The following PPP1R1B variants were observed in gnomAD, a reference collection of about 807,000 sequenced individuals.
PPP1R1B encodes protein phosphatase 1 regulatory subunit 1B.
A neutral mutation model predicts 28.2 loss-of-function variants in PPP1R1B; 13 were observed. The ratio of observed to expected loss-of-function variants is 0.46; its 90% confidence interval spans 0.30 to 0.73. The LOEUF (loss-of-function observed/expected upper bound fraction) is 0.73, where lower values mean the gene tolerates loss of function less well. Ranked by LOEUF, PPP1R1B falls within the 30% of genes least tolerant of loss-of-function variation. The pLI is 0.07. For synonymous variants in PPP1R1B, 102 were observed against 97.5 expected, an observed-to-expected ratio of 1.05 and a Z score of -0.27; for missense variants, 236 against 256.7, an observed-to-expected ratio of 0.92 and a Z score of 0.55.
intron 4 of PPP1R1B, chr17:39,633,594 T>C: frequency 2.9e-6 from 1 of 345,246 alleles, no homozygotes; most frequent in Non-Finnish European, 5.5e-6. Flanking sequence ...TGTGCCCGCC[T>C]GGTCTTGCCC....
At chr17:39,635,178 AGAGT>A (rs1365609416) in intron 5 of PPP1R1B, among the ~76,000 whole-genome samples, 1 of 152,200 alleles carries the variant, frequency 6.6e-6, no homozygotes, top group Non-Finnish European at 1.5e-5. Flanking sequence ...CCTGGGCAAC[AGAGT>A]GAGACTCCAT....
Position 39,635,611 on chromosome 17 carries a change from G to A in PPP1R1B, c.450G>A (p.Gly150=). The A allele has an allele frequency of 6.2e-7, 1 of 1,613,544 alleles. No homozygotes were observed. Among genetic ancestry groups the A allele is most frequent in the African/African-American group, 1.3e-5 (1 of 75,022 alleles). ...TCTCTTCTTTCCCATCCCCAGCTGG[G>A]CAAAAGACAACCTGTGGCCAGGGTC... ...EVLKVIRQSA[G]QKTTCGQGLE... Residue 150 remains glycine (G), a synonymous_variant, in exon 6 of 7, where the codon GGG becomes GGA. Transcript: ENST00000254079.
Position 39,635,933 on chromosome 17 carries a change from C to A in PPP1R1B, c.*68C>A. 6.4e-7 allele frequency: 1 copy of A among 1,550,558 alleles called. No homozygotes were observed. The highest frequency in any genetic ancestry group is 2.3e-5 in the East Asian group (1 of 43,508). ...GCTGTTCCCCAGAAACCCACTCTAT[C>A]CTCACCCTGTTTTGTGCTCTTCCCC... is the stretch of plus-strand genomic sequence containing the variant. On this transcript the variant is annotated 3_prime_UTR_variant, in exon 7 of 7. Coordinates refer to ENST00000254079, the MANE Select transcript of PPP1R1B (RefSeq NM_032192.4).
Position 39,636,135 on chromosome 17 carries a change from T to A in PPP1R1B, c.*270T>A, listed in dbSNP as rs1378296253. 1.9e-6 allele frequency: 1 copy of A among 513,850 alleles called. No homozygotes were observed. Among genetic ancestry groups the A allele is most frequent in the South Asian group, 2.3e-5 (1 of 43,114 alleles). The allele number at this position is 513,850 out of a possible 1,614,324, so 31.8% of individuals were successfully genotyped here. ...AGGTGGGATGTGAGACAGCCCACAT[T>A]GGAAAATCCAGAAAACCGGGAACAG... On this transcript the variant is annotated 3_prime_UTR_variant, in exon 7 of 7. Coordinates refer to ENST00000254079, the MANE Select transcript of PPP1R1B (RefSeq NM_032192.4).
In PPP1R1B at chr17:39,627,461, C is replaced by A; in HGVS notation, c.69C>A (p.Arg23=). 1 of 1,589,122 alleles carries A rather than the reference C, an allele frequency of 6.3e-7. No individual in the cohort carries two copies. Among genetic ancestry groups the A allele is most frequent in the South Asian group, 1.1e-5 (1 of 89,078 alleles). ...VPAPPSQLDP[R]QVEMIRRRRP... ...CGCCCCCTAGCCAGCTCGACCCCCGCCAGGTGGAGATGGTAAGGGGCCCGT... is the reference window on the plus strand; with the variant it reads ...CGCCCCCTAGCCAGCTCGACCCCCGACAGGTGGAGATGGTAAGGGGCCCGT... Residue 23 remains arginine (R), a synonymous_variant, in exon 1 of 7, where the codon CGC becomes CGA. Coordinates refer to ENST00000254079, the MANE Select transcript of PPP1R1B (RefSeq NM_032192.4).
At chr17:39,626,941 G>A (rs186334474), upstream of PPP1R1B, 68 of 160,086 alleles carry the variant, frequency 4.2e-4, no homozygotes, top group South Asian at 1.7e-3. Flanking sequence ...GGACCGGAGG[G>A]TGAGCCCGGC....
chr17:39,629,291 G>A, intron 2 of PPP1R1B, 61 bp downstream of exon 2: 1 of 1,538,628 alleles, frequency 6.5e-7, no homozygotes, highest in Non-Finnish European at 9.0e-7. Flanking sequence ...CTTCCTAGGG[G>A]CCCTGCCAAA....
intron 4 of PPP1R1B, among the ~76,000 whole-genome samples, chr17:39,630,604 G>T (rs953636055): frequency 1.3e-5 from 2 of 152,234 alleles, no homozygotes; most frequent in Non-Finnish European, 2.9e-5. Flanking sequence ...TTTGGTCCCT[G>T]CCCCCTTGGG....
At chr17:39,635,776 G>A in intron 6 of PPP1R1B, 40 bp from the exon 7 acceptor site, 2 of 1,612,568 alleles carry the variant, frequency 1.2e-6, no homozygotes, top group Non-Finnish European at 1.7e-6. Flanking sequence ...ATCTTGGTGG[G>A]TGGGGCCAGG....
Position 39,633,991 on chromosome 17 carries a change from C to G in PPP1R1B, c.350C>G (p.Pro117Arg). Residue 117 changes from proline (P) to arginine (R), a missense_variant, in exon 5 of 7, where the codon CCA (proline) becomes CGA (arginine). Transcript: ENST00000254079. ...ELGELRELGY[P>R]REEDEEEEED... ...GGGGAGCTTCGGGAGCTGGGTTATC[C>G]AAGAGAGGAAGATGAGGAGGAAGAG... The G allele has an allele frequency of 6.2e-7, 1 of 1,613,794 alleles. No individual in the cohort carries two copies. Among genetic ancestry groups the G allele is most frequent in the East Asian group, 2.2e-5 (1 of 44,882 alleles).
intron 4 of PPP1R1B, chr17:39,633,325 G>A: frequency 6.1e-6 from 1 of 163,766 alleles, no homozygotes; most frequent in East Asian, 1.7e-4. Flanking sequence ...TGGAGCCCGG[G>A]GCAGGAGTAT....
chr17:39,627,603 G>T (rs2056846873), intron 1 of PPP1R1B, 130 bp downstream of exon 1: 2 of 600,642 alleles, frequency 3.3e-6, no homozygotes, highest in Non-Finnish European at 5.6e-6. Context: ...GCTCTGCCTC[G>T]GTCAGGACGG....
At chr17:39,635,474 C>A in intron 5 of PPP1R1B, 133 bp from the exon 6 acceptor site, 2 of 1,228,106 alleles carry the variant, frequency 1.6e-6, no homozygotes, top group Non-Finnish European at 2.3e-6. Context: ...CTGTTCTAGC[C>A]CAGTTCTCTC....
rs1287695645 is a variant in PPP1R1B at position 39,629,195 on chromosome 17, C to A, written c.107C>A (p.Ala36Asp). 1 of 1,613,688 alleles carries A rather than the reference C, an allele frequency of 6.2e-7. No homozygotes were observed. ...EMIRRRRPTP[A>D]MLFRLSEHSS... ...ATCCGGCGCAGGAGACCAACGCCTG[C>A]CATGCTGTTCCGGCTCTCAGAGCAC... Residue 36 changes from alanine to aspartate, a missense_variant, in exon 2 of 7, where the codon GCC becomes GAC. Transcript: ENST00000254079.
intron 1 of PPP1R1B, chr17:39,628,625 G>A (rs918672102): frequency 3.2e-5 from 32 of 986,030 alleles, no homozygotes; most frequent in Non-Finnish European, 3.9e-5. Flanking sequence ...AGCTGGAGGT[G>A]GGGGGTGCCT....
intron 4 of PPP1R1B, 108 bp downstream of exon 4, chr17:39,630,155 C>A: frequency 9.3e-7 from 1 of 1,071,514 alleles, no homozygotes; most frequent in Non-Finnish European, 1.4e-6. Flanking sequence ...CACACATAGC[C>A]CGCTGTCAGC....
Position 39,635,996 on chromosome 17 carries a change from C to T in PPP1R1B, c.*131C>T. Reference sequence around the variant, plus strand: ...GCTGCGGCTTCTGACTTCTAGAAGACTAAGGCTGGTCTGTGTTTGCTTGTT... The same window carrying T: ...GCTGCGGCTTCTGACTTCTAGAAGATTAAGGCTGGTCTGTGTTTGCTTGTT... On this transcript the variant is annotated 3_prime_UTR_variant, in exon 7 of 7. Transcript: ENST00000254079. 9.4e-7 allele frequency: 1 copy of T among 1,064,650 alleles called. No homozygotes were observed. Among genetic ancestry groups the T allele is most frequent in the Non-Finnish European group, 1.4e-6 (1 of 737,326 alleles). 66.0% of individuals were successfully genotyped at this position (1,064,650 alleles called of 1,614,324 possible). A position where few individuals can be genotyped will look rare whatever the true frequency, so the allele number is the denominator to read the frequency against.
chr17:39,633,831 C>T (rs2056895923), intron 4 of PPP1R1B, 52 bp from the exon 5 acceptor site: 1 of 1,608,072 alleles, frequency 6.2e-7, no homozygotes, highest in Non-Finnish European at 8.5e-7. Flanking sequence ...ATCTCCAGAT[C>T]CATGGGCTGT....
chr17:39,628,580 G>C (rs1047673904), intron 1 of PPP1R1B: 2 of 985,964 alleles, frequency 2.0e-6, no homozygotes, highest in Admixed American at 6.1e-5. Context: ...GGCCCCCAGA[G>C]AGGTCCCCCA....
Sources: gnomAD v4.1 joint callset for allele counts (sites outside exome capture counted in the v4.1 genomes callset) on GRCh38, gnomAD v4.1.1 for gene constraint, MANE v1.5 for transcripts, NCBI Gene and HGNC (gene_info 2026-07-23, HGNC 2026-07-21) for gene names.